Variants in STKLD1 observed in about 807,000 individuals in gnomAD.
STKLD1 encodes the protein serine/threonine kinase like domain containing 1.
STKLD1 carries 79 observed loss-of-function variants against 80.4 expected under a neutral mutation model. That is an observed-to-expected ratio of 0.98 (90% CI 0.82 to 1.19). The LOEUF (loss-of-function observed/expected upper bound fraction) is 1.19, where lower values mean the gene tolerates loss of function less well. Among genes scored for constraint, STKLD1 ranks in the 50% most tolerant of loss-of-function variants. The pLI, the probability that STKLD1 is intolerant of heterozygous loss-of-function variation, is 0.00. For synonymous variants in STKLD1, 393 were observed against 357.6 expected (o/e 1.10, Z -1.12); for missense variants, 841 against 856.0 (o/e 0.98, Z 0.22).
intron 8 of STKLD1, 78 bp from the exon 9 acceptor site, chr9:133,395,522 T>TG: frequency 6.7e-7 from 1 of 1,490,336 alleles, no homozygotes; most frequent in South Asian, 1.3e-5. Context: ...TCTTGGTCCC[T>TG]GGTCGTCCCC....
chr9:133,388,759 C>T, intron 5 of STKLD1: 1 of 985,378 alleles, frequency 1.0e-6, no homozygotes, highest in Non-Finnish European at 1.2e-6. Context: ...TGAATGCTAC[C>T]TGCTTTTACC....
Position 133,390,454 on chromosome 9 carries a change from AAAT to A in STKLD1, c.468-223_468-221del, listed in dbSNP as rs1258799802. ...GGTTGAGGATTTTTCCCCCGATTTA[AAAT>A]AATTGAGTATATTTCTGTACATAGG... On this transcript the variant is annotated intron_variant, in intron 6 of 17. Transcript: ENST00000371957. This position sits in a 1 kb window ranked among gnomAD's most constrained non-coding sequence, Gnocchi z 5.1. Among the ~76,000 whole-genome samples, 1 of 152,130 alleles carries A rather than the reference AAAT, an allele frequency of 6.6e-6. No individual in the cohort carries two copies. Among genetic ancestry groups the A allele is most frequent in the Non-Finnish European group, 1.5e-5 (1 of 68,028 alleles).
At position 133,395,621 on chromosome 9, in the gene STKLD1, C is replaced by T. The variant is rs749647813; in HGVS notation, c.724C>T (p.Arg242Trp). The T allele has an allele frequency of 2.4e-5, 39 of 1,612,840 alleles. No individual in the cohort carries two copies. Among genetic ancestry groups the T allele is most frequent in the Middle Eastern group, 1.6e-4 (1 of 6,082 alleles). ...GCAGGGCACAGAAGCCATGCATCTGCGGAAGTCCCTCCGCCAGAGCCCAGG... is the reference window on the plus strand; with the variant it reads ...GCAGGGCACAGAAGCCATGCATCTGTGGAAGTCCCTCCGCCAGAGCCCAGG... ...FMDGTEAMHL[R>W]KSLRQSPGSL... Residue 242 changes from arginine (R) to tryptophan (W), a missense_variant, in exon 9 of 18, where the codon CGG becomes TGG. Arg to Trp is a moderately radical substitution (Grantham distance 101). Coordinates refer to ENST00000371957, the MANE Select transcript of STKLD1 (RefSeq NM_153710.5).
chr9:133,383,329 G>GTAATGATGGTAA (rs1838190352), intron 2 of STKLD1, among the ~76,000 whole-genome samples: 1 of 18,162 alleles, frequency 5.5e-5, no homozygotes, highest in Non-Finnish European at 1.3e-4. Flanking sequence ...GATGATGGTG[G>GTAATGATGGTAA]TGATGGTGAT....
rs781975413 is a variant in STKLD1 at position 133,402,912 on chromosome 9, T to C, written c.1374T>C (p.Ala458=). 6.3e-7 allele frequency: 1 copy of C among 1,587,946 alleles called. No individual in the cohort carries two copies. Among genetic ancestry groups the C allele is most frequent in the Admixed American group, 1.8e-5 (1 of 56,574 alleles). ...SESLSEELQN[A]GLLEHILEHL... is the part of the protein sequence containing the mutation. ...CACTGTCAGAGGAGCTGCAGAATGC[T>C]GGGCTGCTGGAGCACATCCTGGAGC... The change falls in exon 14 of 18, where the codon GCT becomes GCC. Residue 458 remains alanine (A), a synonymous_variant. Coordinates refer to ENST00000371957, the MANE Select transcript of STKLD1 (RefSeq NM_153710.5).
chr9:133,401,882 T>C lies in STKLD1; in HGVS notation c.1339+4T>C, dbSNP rs782182852. ...CTAGCCATCACCACAACCCAGGGTGTGTCTGCCAGCCACCTCCTGCCCCAC... is the reference window on the plus strand; with the variant it reads ...CTAGCCATCACCACAACCCAGGGTGCGTCTGCCAGCCACCTCCTGCCCCAC... On this transcript the variant is annotated splice_donor_region_variant and intron_variant, in intron 13 of 17. Coordinates refer to ENST00000371957, the MANE Select transcript of STKLD1 (RefSeq NM_153710.5). The C allele has an allele frequency of 6.2e-7, 1 of 1,612,820 alleles. No individual in the cohort carries two copies. Among genetic ancestry groups the C allele is most frequent in the South Asian group, 1.1e-5 (1 of 91,062 alleles).
At chr9:133,404,725 G>A (rs782461303) in intron 16 of STKLD1, 64 bp from the exon 17 acceptor site, 21 of 1,584,894 alleles carry the variant, frequency 1.3e-5, no homozygotes, top group Non-Finnish European at 1.8e-5. Flanking sequence ...ATCCCGTCCT[G>A]GGCAGAAGGC....
intron 8 of STKLD1, among the ~76,000 whole-genome samples, chr9:133,395,032 G>A (rs184629182): frequency 4.3e-4 from 65 of 152,240 alleles, no homozygotes; most frequent in African/African-American, 1.5e-3. Context: ...GAGAAAAGTG[G>A]GGAAGGCCTG....
intron 1 of STKLD1, 96 bp from the exon 2 acceptor site, chr9:133,378,940 G>A: frequency 1.9e-6 from 2 of 1,056,520 alleles, no homozygotes; most frequent in Middle Eastern, 2.1e-4. Context: ...GCCTGACAGG[G>A]GAGTTAGCAG....
rs202068817 is a variant in STKLD1, at chr9:133,405,393, G to T, written c.2015G>T (p.Gly672Val). The change falls in exon 18 of 18, where the codon GGG (glycine) becomes GTG (valine). Residue 672 changes from glycine to valine, a missense_variant. By Grantham distance (109) the Gly-to-Val change is moderately radical. Coordinates refer to ENST00000371957, the MANE Select transcript of STKLD1 (RefSeq NM_153710.5). ...CCTCCAGGTGGAAGCCCCCAGCTGG[G>T]GTGCACCACGTCTGGGGGACTGGAA... ...GLPPGGSPQL[G>V]CTTSGGLE is the part of the protein sequence containing the mutation. The T allele has an allele frequency of 2.9e-5, 47 of 1,610,852 alleles. No homozygotes were observed. The East Asian group carries it at 1.0e-3, about 35-fold the overall frequency.
chr9:133,377,308 A>G (rs2130253371), intron 1 of STKLD1, among the ~76,000 whole-genome samples: 1 of 152,188 alleles, frequency 6.6e-6, no homozygotes, highest in East Asian at 1.9e-4. Flanking sequence ...TTTACTGTTT[A>G]ATTTGCTGCC....
In STKLD1 at chr9:133,401,851, A is replaced by G; in HGVS notation, c.1312A>G (p.Ser438Gly). 1.2e-6 allele frequency: 2 copies of G among 1,613,556 alleles called. No individual in the cohort carries two copies. The highest frequency in any genetic ancestry group is 8.5e-7 in the Non-Finnish European group (1 of 1,180,004). The change falls in exon 13 of 18, where the codon AGC (serine) becomes GGC (glycine). Residue 438 changes from serine to glycine, a missense_variant. Ser to Gly is a moderately conservative substitution (Grantham distance 56). Transcript: ENST00000371957. The stretch of plus-strand genomic sequence containing the variant: ...GGAGCCACTTCTTGTCATGGTCTAC[A>G]GCCTGCTAGCCATCACCACAACCCA... ...EEEPLLVMVY[S>G]LLAITTTQES...
At position 133,405,243 on chromosome 9, in the gene STKLD1, C is replaced by T. The variant is rs1314897571; in HGVS notation, c.1874-9C>T. The T allele has an allele frequency of 6.3e-7, 1 of 1,591,742 alleles. No individual in the cohort carries two copies. The highest frequency in any genetic ancestry group is 8.6e-7 in the Non-Finnish European group (1 of 1,168,092). ...CTCTGGCCTCAGGACCTTCCTGCTC[C>T]ACCTGCAGAGGAGATCCTGCCGGAG... On this transcript the variant is annotated splice_polypyrimidine_tract_variant and intron_variant, in intron 17 of 17. Coordinates refer to ENST00000371957, the MANE Select transcript of STKLD1 (RefSeq NM_153710.5).
chr9:133,388,952 G>A (rs1244963376), intron 5 of STKLD1: 3 of 985,256 alleles, frequency 3.0e-6, no homozygotes, highest in Admixed American at 1.2e-4. Context: ...TCTAACTGGG[G>A]GCAGTGGGAG....
At chr9:133,383,690 C>T (rs945784466) in intron 2 of STKLD1, among the ~76,000 whole-genome samples, 166 bp from the exon 3 acceptor site, 2 of 77,490 alleles carry the variant, frequency 2.6e-5, no homozygotes, top group Non-Finnish European at 5.6e-5. Flanking sequence ...ATGATGGTGA[C>T]AGTGATGGTG....
intron 9 of STKLD1, among the ~76,000 whole-genome samples, chr9:133,396,399 C>G (rs939789768): frequency 1.3e-5 from 2 of 152,134 alleles, no homozygotes; most frequent in African/African-American, 4.8e-5. Context: ...GATCTCGCCA[C>G]TGCACTTCAG....
At chr9:133,377,680 A>G (rs2130255262) in intron 1 of STKLD1, among the ~76,000 whole-genome samples, 1 of 151,814 alleles carries the variant, frequency 6.6e-6, no homozygotes, top group Non-Finnish European at 1.5e-5. Flanking sequence ...AAAAAAAAAA[A>G]TAGCAGTCCC....
rs1838514410 is a variant in STKLD1 at position 133,394,760 on chromosome 9, C to T, written c.702+351C>T. On this transcript the variant is annotated intron_variant, in intron 8 of 17. Transcript: ENST00000371957. The surrounding 1 kb of genome is among the most constrained non-coding windows in gnomAD (Gnocchi z 4.9). ...TGCACGGAGTTGCAAGCAACGGGAA[C>T]CCAGTGTGGGCCTGAACACACCTGG... 3.4e-6 allele frequency: 1 copy of T among 291,516 alleles called. No individual in the cohort carries two copies. The highest frequency in any genetic ancestry group is 6.6e-6 in the Non-Finnish European group (1 of 151,322). The allele number at this position is 291,516 out of a possible 1,614,324, so 18.1% of individuals were successfully genotyped here.
chr9:133,399,063 A>G (rs587736546), intron 11 of STKLD1, among the ~76,000 whole-genome samples: 2 of 152,330 alleles, frequency 1.3e-5, no homozygotes, highest in East Asian at 3.9e-4. Flanking sequence ...CATGTTGGCC[A>G]GGCTGGTCTC....
Sources: allele counts gnomAD v4.1 joint callset (sites outside exome capture counted in the v4.1 genomes callset), GRCh38; gene constraint gnomAD v4.1.1; non-coding constraint Gnocchi (gnomAD v3.1); transcripts MANE v1.5; gene names NCBI Gene and HGNC (gene_info 2026-07-23, HGNC 2026-07-21).